GALNT2: variants seen among roughly 807,000 people sequenced by gnomAD.
The protein encoded by GALNT2 is polypeptide N-acetylgalactosaminyltransferase 2.
GALNT2 carries 31 observed loss-of-function variants against 81.4 expected under a neutral mutation model. That is an observed-to-expected ratio of 0.38 (90% confidence interval 0.29 to 0.51). GALNT2 has a LOEUF of 0.51. Among genes scored for constraint, GALNT2 ranks in the 20% least tolerant of loss-of-function variants. GALNT2 has a pLI of 0.87. For missense variants in GALNT2, 629 were observed against 765.7 expected (o/e 0.82, Z 2.11); for synonymous variants, 303 against 287.4 (o/e 1.05, Z -0.55).
At chr1:230,208,669 C>T (rs1435320967) in intron 3 of GALNT2, among the ~76,000 whole-genome samples, 6 of 152,226 alleles carry the variant, frequency 3.9e-5, no homozygotes, top group East Asian at 1.9e-4. Flanking sequence ...CTGGAGCCAA[C>T]GGCTGACACT....
At chr1:230,122,508 T>C (rs560056151) in intron 1 of GALNT2, among the ~76,000 whole-genome samples, 1 of 152,260 alleles carries the variant, frequency 6.6e-6, no homozygotes, top group South Asian at 2.1e-4. Flanking sequence ...TGTCAGTGTT[T>C]AGCTTACATT....
At chr1:230,085,293 G>A (rs1659866224) in intron 1 of GALNT2, among the ~76,000 whole-genome samples, 2 of 152,136 alleles carry the variant, frequency 1.3e-5, no homozygotes, top group Admixed American at 1.3e-4. Context: ...TGGCCAACCT[G>A]GAGATTCATT....
intron 8 of GALNT2, among the ~76,000 whole-genome samples, chr1:230,248,063 T>A (rs1020397615): frequency 7.9e-5 from 12 of 152,126 alleles, no homozygotes; most frequent in Admixed American, 5.9e-4. Flanking sequence ...TGGGCCCCTG[T>A]CCATTTCCCT....
At chr1:230,092,748 T>C (rs1660132586) in intron 1 of GALNT2, among the ~76,000 whole-genome samples, 1 of 152,198 alleles carries the variant, frequency 6.6e-6, no homozygotes, top group South Asian at 2.1e-4. Context: ...CATATATCTC[T>C]AAAAAGATTC....
At chr1:230,177,154 TGGCCCA>T (rs1200502348) in intron 1 of GALNT2, among the ~76,000 whole-genome samples, 1 of 152,286 alleles carries the variant, frequency 6.6e-6, no homozygotes, top group Non-Finnish European at 1.5e-5. Context: ...ATGTGTCATT[TGGCCCA>T]GGCCCTGAGG....
intron 1 of GALNT2, among the ~76,000 whole-genome samples, chr1:230,081,113 A>T (rs956848620): frequency 6.6e-6 from 1 of 152,162 alleles, no homozygotes; most frequent in Admixed American, 6.5e-5. Context: ...CCATGCCTGA[A>T]ACTGTCATTC....
At chr1:230,140,940 C>T (rs1480335592) in intron 1 of GALNT2, among the ~76,000 whole-genome samples, 1 of 152,212 alleles carries the variant, frequency 6.6e-6, no homozygotes, top group Admixed American at 6.5e-5. Flanking sequence ...CTTTCTAGTT[C>T]TGAAATAGCT....
At chr1:230,217,165 G>T (rs983671573) in intron 3 of GALNT2, among the ~76,000 whole-genome samples, 22 of 151,926 alleles carry the variant, frequency 1.4e-4, no homozygotes, top group African/African-American at 5.3e-4. Flanking sequence ...TAATTATGTG[G>T]TTTTTAAAAA....
At chr1:230,258,743 A>G (rs1314920173) in intron 11 of GALNT2, 1 of 152,206 alleles carries the variant, frequency 6.6e-6, no homozygotes, top group East Asian at 1.9e-4. Flanking sequence ...GATCTTGTAC[A>G]ATAAGCTTTA....
intron 10 of GALNT2, among the ~76,000 whole-genome samples, chr1:230,251,128 TA>T (rs1252322721): frequency 6.6e-6 from 1 of 152,242 alleles, no homozygotes; most frequent in African/African-American, 2.4e-5. Context: ...TTGTGGTCTA[TA>T]TTGGTAGCCT....
upstream of GALNT2, among the ~76,000 whole-genome samples, chr1:230,066,810 C>T (rs1659193496): frequency 2.6e-5 from 4 of 151,896 alleles, no homozygotes; most frequent in South Asian, 8.4e-4. Context: ...TCTTTGCCCA[C>T]GTGTGCGCGC....
chr1:230,130,082 T>G (rs1374380716), intron 1 of GALNT2, among the ~76,000 whole-genome samples: 1 of 152,248 alleles, frequency 6.6e-6, no homozygotes, highest in Non-Finnish European at 1.5e-5. Flanking sequence ...CTCTCTTGTC[T>G]CTGAAGCTTT....
intron 1 of GALNT2, among the ~76,000 whole-genome samples, chr1:230,068,284 G>A (rs1659265692): frequency 1.3e-5 from 2 of 152,346 alleles, no homozygotes; most frequent in East Asian, 1.9e-4. Context: ...CTGGGCATTC[G>A]GGAGGATGGT....
chr1:230,235,994 C>T lies in GALNT2; in HGVS notation c.375-20C>T, dbSNP rs756501123. The T allele has an allele frequency of 1.2e-6, 2 of 1,612,146 alleles. No individual in the cohort carries two copies. Among genetic ancestry groups the T allele is most frequent in the Non-Finnish European group, 1.7e-6 (2 of 1,178,400 alleles). ...GCTCTGGGGGTCATTGTTCAGAGGACCATCTTTCTCTTCCTGCAGGTGTCA... is the reference window on the plus strand; with the variant it reads ...GCTCTGGGGGTCATTGTTCAGAGGATCATCTTTCTCTTCCTGCAGGTGTCA... On this transcript the variant is annotated intron_variant, in intron 3 of 15. Transcript: ENST00000366672.
chr1:230,206,222 C>G (rs1028918949), intron 3 of GALNT2, among the ~76,000 whole-genome samples: 2 of 152,146 alleles, frequency 1.3e-5, no homozygotes, highest in African/African-American at 4.8e-5. Context: ...GGCTGGCTTT[C>G]TCATCTGCCT....
intron 1 of GALNT2, chr1:230,091,495 T>C (rs1660080420): frequency 2.0e-5 from 3 of 152,196 alleles, no homozygotes; most frequent in Admixed American, 2.0e-4. Flanking sequence ...TGGGGATCTT[T>C]CTGTGTATAG....
chr1:230,133,400 T>C (rs1661431200), intron 1 of GALNT2, among the ~76,000 whole-genome samples: 1 of 152,156 alleles, frequency 6.6e-6, no homozygotes, highest in African/African-American at 2.4e-5. Context: ...ATAAAATCTT[T>C]GTTTATTGCC....
intron 3 of GALNT2, among the ~76,000 whole-genome samples, chr1:230,220,340 AAAG>A (rs1446614757): frequency 6.6e-6 from 1 of 151,990 alleles, no homozygotes; most frequent in Non-Finnish European, 1.5e-5. Context: ...CTAGGTAAAT[AAAG>A]AAGAATACCA....
rs541677855 is a variant in GALNT2 at position 230,275,222 on chromosome 1, C to T, written c.1560+658C>T. 6.6e-6 allele frequency among the ~76,000 whole-genome samples: 1 copy of T among 150,970 alleles called. No individual in the cohort carries two copies. Among genetic ancestry groups the T allele is most frequent in the Non-Finnish European group, 1.5e-5 (1 of 67,744 alleles). ...CACATATATATACATATGCATGCCA[C>T]ATATATGCATATGTAAACACCGCAT... On this transcript the variant is annotated intron_variant, in intron 15 of 15. Coordinates refer to ENST00000366672, the MANE Select transcript of GALNT2 (RefSeq NM_004481.5). The surrounding 1 kb of genome is among the most constrained non-coding windows in gnomAD (Gnocchi z 5.5).
Sources: gnomAD v4.1 joint callset for allele counts (sites outside exome capture counted in the v4.1 genomes callset) on GRCh38, gnomAD v4.1.1 for gene constraint, Gnocchi (gnomAD v3.1) non-coding constraint, MANE v1.5 for transcripts, NCBI Gene and HGNC (gene_info 2026-07-23, HGNC 2026-07-21) for gene names.